The following GRIK2 variants were observed in gnomAD, a reference collection of about 807,000 sequenced individuals.
GRIK2 encodes the protein glutamate receptor ionotropic, kainate 2.
A neutral mutation model predicts 100.3 loss-of-function variants in GRIK2; 32 were observed. That is an observed-to-expected ratio of 0.32 (90% CI 0.24 to 0.43). The LOEUF is 0.43. Ranked by LOEUF, GRIK2 falls within the 20% of genes least tolerant of loss-of-function variation. The pLI is 1.00. For missense variants in GRIK2, 843 were observed against 1,114.9 expected (o/e 0.76, Z 3.47); for synonymous variants, 417 against 389.4 (o/e 1.07, Z -0.83).
intron 14 of GRIK2, among the ~76,000 whole-genome samples, chr6:101,946,272 C>G (rs1023268129): frequency 1.3e-5 from 2 of 151,820 alleles, no homozygotes; most frequent in African/African-American, 2.4e-5. Flanking sequence ...TGTGTGCATA[C>G]ACACACATAC....
At chr6:101,637,595 A>G (rs1040681906) in intron 4 of GRIK2, among the ~76,000 whole-genome samples, 27 of 152,234 alleles carry the variant, frequency 1.8e-4, no homozygotes, top group Admixed American at 7.9e-4. Context: ...CTCTATTTAA[A>G]TGTGTCTACC....
intron 2 of GRIK2, among the ~76,000 whole-genome samples, chr6:101,589,629 T>G (rs909881030): frequency 1.3e-5 from 2 of 152,148 alleles, no homozygotes; most frequent in Non-Finnish European, 2.9e-5. Context: ...GTTTTAATGG[T>G]TATTAAATTT....
At chr6:101,658,058 T>G (rs1246106167) in intron 4 of GRIK2, among the ~76,000 whole-genome samples, 2 of 152,108 alleles carry the variant, frequency 1.3e-5, no homozygotes, top group East Asian at 1.9e-4. Flanking sequence ...ATTTATTAAT[T>G]TATTTATTTT....
At chr6:101,459,249 T>C (rs1282811478) in intron 2 of GRIK2, among the ~76,000 whole-genome samples, 1 of 152,192 alleles carries the variant, frequency 6.6e-6, no homozygotes, top group Non-Finnish European at 1.5e-5. Flanking sequence ...TTCTGATGAT[T>C]ACCTAAATTG....
chr6:101,924,542 G>A, intron 12 of GRIK2, 59 bp from the exon 13 acceptor site: 1 of 873,088 alleles, frequency 1.1e-6, no homozygotes, highest in South Asian at 1.4e-5. Flanking sequence ...AAAAAATGCT[G>A]GATAGAATTT....
At chr6:101,410,096 T>C (rs1222665969) in intron 2 of GRIK2, among the ~76,000 whole-genome samples, 1 of 152,044 alleles carries the variant, frequency 6.6e-6, no homozygotes. Context: ...ATATACAACA[T>C]CAGAAGAAAC....
chr6:101,408,838 G>A (rs558952062), intron 2 of GRIK2, among the ~76,000 whole-genome samples: 136 of 151,956 alleles, frequency 8.9e-4, no homozygotes, highest in Middle Eastern at 3.4e-3. Flanking sequence ...AGGCACCCAC[G>A]GCCTAATCAA....
At chr6:101,413,083 G>T (rs1263179322) in intron 2 of GRIK2, among the ~76,000 whole-genome samples, 1 of 151,944 alleles carries the variant, frequency 6.6e-6, no homozygotes, top group Non-Finnish European at 1.5e-5. Context: ...CCTATTTCAA[G>T]GTAGTATAGT....
chr6:101,863,473 G>A (rs191822639), intron 11 of GRIK2, among the ~76,000 whole-genome samples: 6 of 152,130 alleles, frequency 3.9e-5, no homozygotes, highest in Non-Finnish European at 5.9e-5. Context: ...TACTTTCTTC[G>A]ACACCTATAA....
intron 12 of GRIK2, among the ~76,000 whole-genome samples, chr6:101,905,195 T>A (rs1562478147): frequency 6.6e-6 from 1 of 151,602 alleles, no homozygotes; most frequent in Non-Finnish European, 1.5e-5. Context: ...TTTATCTTCA[T>A]GTCTCTAGTT....
At chr6:101,814,946 T>G (rs2128420325) in intron 9 of GRIK2, among the ~76,000 whole-genome samples, 1 of 152,356 alleles carries the variant, frequency 6.6e-6, no homozygotes. Flanking sequence ...CTTTTTCATT[T>G]AATCACACTA....
At chr6:101,877,603 C>G (rs1025623679) in intron 11 of GRIK2, among the ~76,000 whole-genome samples, 3 of 151,826 alleles carry the variant, frequency 2.0e-5, no homozygotes, top group Middle Eastern at 3.4e-3. Flanking sequence ...TGTATATGTA[C>G]GTTAAAAATA....
At chr6:102,018,757 T>C (rs866773413) in intron 14 of GRIK2, among the ~76,000 whole-genome samples, 5 of 152,096 alleles carry the variant, frequency 3.3e-5, no homozygotes, top group South Asian at 4.1e-4. Context: ...TTTACCTTTT[T>C]ACTTGGTAAG....
intron 14 of GRIK2, among the ~76,000 whole-genome samples, chr6:101,937,030 G>A (rs1021048304): frequency 1.4e-4 from 21 of 152,152 alleles, no homozygotes; most frequent in Non-Finnish European, 4.4e-5. Context: ...TTTTATCTTC[G>A]AAAGTAGCCT....
intron 9 of GRIK2, among the ~76,000 whole-genome samples, chr6:101,812,287 T>C (rs1686526381): frequency 6.6e-6 from 1 of 151,778 alleles, no homozygotes. Context: ...ATGGAGTAAT[T>C]CACTCACTTA....
chr6:101,428,401 G>C (rs1769176259), intron 2 of GRIK2, among the ~76,000 whole-genome samples: 1 of 152,158 alleles, frequency 6.6e-6, no homozygotes, highest in African/African-American at 2.4e-5. Flanking sequence ...AAAATGAATG[G>C]ATTTTGTCAG....
At chr6:101,625,452 A>G (rs1414695695) in intron 3 of GRIK2, among the ~76,000 whole-genome samples, 2 of 151,358 alleles carry the variant, frequency 1.3e-5, no homozygotes, top group Non-Finnish European at 2.9e-5. Context: ...GGAAGCTTCT[A>G]TTTTTTTTCT....
intron 2 of GRIK2, among the ~76,000 whole-genome samples, chr6:101,438,213 T>C (rs1582451663): frequency 6.6e-6 from 1 of 152,266 alleles, no homozygotes; most frequent in Middle Eastern, 3.4e-3. Flanking sequence ...AGGGAAGATA[T>C]GGAAGAAGTG....
At chr6:101,764,719 T>C (rs1337575677) in intron 7 of GRIK2, among the ~76,000 whole-genome samples, 1 of 152,130 alleles carries the variant, frequency 6.6e-6, no homozygotes, top group Non-Finnish European at 1.5e-5. Flanking sequence ...TTATTTTTAA[T>C]GAGTTTCCTG....
Sources: gnomAD v4.1 joint callset for allele counts (sites outside exome capture counted in the v4.1 genomes callset) on GRCh38, gnomAD v4.1.1 for gene constraint, MANE v1.5 for transcripts, NCBI Gene and HGNC (gene_info 2026-07-23, HGNC 2026-07-21) for gene names.